Variants in TTYH1 observed in about 807,000 individuals in gnomAD.
The protein encoded by TTYH1 is protein tweety homolog 1.
Under a neutral mutation model 61.2 loss-of-function variants are expected in TTYH1, and 33 were observed. The observed-to-expected ratio is 0.54, with a 90% CI of 0.41 to 0.72. TTYH1 has a LOEUF of 0.72. Among genes scored for constraint, TTYH1 ranks in the 30% least tolerant of loss-of-function variants. TTYH1 has a pLI of 0.00. For synonymous variants in TTYH1, 308 were observed against 266.4 expected, an observed-to-expected ratio of 1.16 and a Z score of -1.52; for missense variants, 538 against 575.8, an observed-to-expected ratio of 0.93 and a Z score of 0.67.
rs62621451 is a variant in TTYH1, at chr19:54,419,450, G to A, written c.305+144G>A. ...TCGTCCCTGTCCCTGCCATTTGCAA[G>A]CCCACTTCAGCGCACAGCAGGAAGG... On this transcript the variant is annotated intron_variant, in intron 2 of 13. Transcript: ENST00000376530. This position sits in a 1 kb window ranked among gnomAD's most constrained non-coding sequence, Gnocchi z 6.1. The A allele has an allele frequency of 0.015, 12,400 of 852,962 alleles. 144 individuals carry two copies. The highest frequency in any genetic ancestry group is 0.02 in the Non-Finnish European group (10,591 of 523,028). 52.8% of individuals were successfully genotyped at this position (852,962 alleles called of 1,614,324 possible). A position where few individuals can be genotyped will look rare whatever the true frequency, so the allele number is the denominator to read the frequency against.
chr19:54,427,931 G>C (rs1308469982), intron 5 of TTYH1, among the ~76,000 whole-genome samples: 1 of 151,974 alleles, frequency 6.6e-6, no homozygotes, highest in East Asian at 1.9e-4. Flanking sequence ...TTTTTATTTT[G>C]AGAAGGTCTT....
Position 54,429,790 on chromosome 19 carries a change from G to C in TTYH1, c.808-92G>C. On this transcript the variant is annotated intron_variant, in intron 6 of 13. Transcript: ENST00000376530. The surrounding 1 kb of genome is among the most constrained non-coding windows in gnomAD (Gnocchi z 5.1). ...GCTGGGACCTGGACCCCTGGGTGGG[G>C]AGGGGAGCTGGGGAGCCAGGCACTG... 9.0e-7 allele frequency: 1 copy of C among 1,117,000 alleles called. No homozygotes were observed. Among genetic ancestry groups the C allele is most frequent in the Non-Finnish European group, 1.3e-6 (1 of 746,076 alleles). The allele number at this position is 1,117,000 out of a possible 1,614,324, so 69.2% of individuals were successfully genotyped here. A position where few individuals can be genotyped will look rare whatever the true frequency, so the allele number is the denominator to read the frequency against.
At chr19:54,424,955 C>G (rs1392391190) in intron 4 of TTYH1, among the ~76,000 whole-genome samples, 1 of 152,178 alleles carries the variant, frequency 6.6e-6, no homozygotes, top group African/African-American at 2.4e-5. Context: ...GGGCAGCAAG[C>G]CTCGTGTTCT....
chr19:54,421,106 C>T lies in TTYH1; in HGVS notation c.306-171C>T, dbSNP rs1353015470. On this transcript the variant is annotated intron_variant, in intron 2 of 13. Transcript: ENST00000376530. This position sits in a 1 kb window ranked among gnomAD's most constrained non-coding sequence, Gnocchi z 4.8. Reference sequence around the variant, plus strand: ...GAGGCCTTCCCGTTCCCTTGGCAACCGACGGGGGCCAGGCTGAAGTCGCCC... The same window carrying T: ...GAGGCCTTCCCGTTCCCTTGGCAACTGACGGGGGCCAGGCTGAAGTCGCCC... 6.6e-6 allele frequency among the ~76,000 whole-genome samples: 1 copy of T among 152,034 alleles called. No homozygotes were observed. The highest frequency in any genetic ancestry group is 1.5e-5 in the Non-Finnish European group (1 of 67,980).
Position 54,421,266 on chromosome 19 carries a change from C to A in TTYH1, c.306-11C>A. The A allele has an allele frequency of 6.3e-7, 1 of 1,593,102 alleles. No individual in the cohort carries two copies. The highest frequency in any genetic ancestry group is 8.6e-7 in the Non-Finnish European group (1 of 1,161,100). ...ACCCGCTGAGATTCCTCTCCCTCCT[C>A]CTCCGCTCAGCACTGGCATTGGCAT... On this transcript the variant is annotated splice_polypyrimidine_tract_variant and intron_variant, in intron 2 of 13. Coordinates refer to ENST00000376530, the MANE Select transcript of TTYH1 (RefSeq NM_020659.4). This position sits in a 1 kb window ranked among gnomAD's most constrained non-coding sequence, Gnocchi z 4.8.
In TTYH1 at chr19:54,422,419, C is replaced by A. The variant is rs1254081608; in HGVS notation, c.638+9C>A. 2 of 1,517,626 alleles carry A rather than the reference C, an allele frequency of 1.3e-6. No individual in the cohort carries two copies. The highest frequency in any genetic ancestry group is 4.3e-5 in the Admixed American group (2 of 46,898). The allele number at this position is 1,517,626 out of a possible 1,614,324, so 94.0% of individuals were successfully genotyped here. A position where few individuals can be genotyped will look rare whatever the true frequency, so the allele number is the denominator to read the frequency against. Reference sequence around the variant, plus strand: ...TTTGTGGAGGAGTACAGGTGAGACGCTGCTCTTCTTGCTCTCTGTGCCGGC... The same window carrying A: ...TTTGTGGAGGAGTACAGGTGAGACGATGCTCTTCTTGCTCTCTGTGCCGGC... On this transcript the variant is annotated intron_variant, in intron 4 of 13. Transcript: ENST00000376530.
In TTYH1 at chr19:54,431,300, C is replaced by T. The variant is rs546164766; in HGVS notation, c.1125+109C>T. 22 of 708,160 alleles carry T rather than the reference C, an allele frequency of 3.1e-5. No individual in the cohort carries two copies. In the South Asian group the frequency reaches 3.3e-4, roughly 11 times the overall value. 43.9% of individuals were successfully genotyped at this position (708,160 alleles called of 1,614,324 possible). ...CCCCTGCCATTGCGCCTGAGGATAT[C>T]TCTGTATCCTCTGTTTATATGATTT... On this transcript the variant is annotated intron_variant, in intron 10 of 13. Transcript: ENST00000376530.
Position 54,422,254 on chromosome 19 carries a change from T to G in TTYH1, c.482T>G (p.Val161Gly). ...VRTELTTLEE[V>G]LEPRTELVAA... ...ACAGAGCTGACCACCCTGGAGGAGG[T>G]GCTCGAGCCGCGCACGGAGCTGGTG... The change falls in exon 4 of 14, where the codon GTG (valine) becomes GGG (glycine). Residue 161 changes from valine to glycine, a missense_variant. Val to Gly is a moderately radical substitution (Grantham distance 109). This residue lies in a region of TTYH1 where 378 missense variants were observed against 401.2 expected (regional missense o/e 0.94). Coordinates refer to ENST00000376530, the MANE Select transcript of TTYH1 (RefSeq NM_020659.4). 1.3e-6 allele frequency: 2 copies of G among 1,565,270 alleles called. No homozygotes were observed. The highest frequency in any genetic ancestry group is 1.3e-5 in the African/African-American group (1 of 74,352).
intron 10 of TTYH1, chr19:54,433,762 G>A (rs935731236): frequency 9.3e-5 from 14 of 151,064 alleles, no homozygotes; most frequent in Non-Finnish European, 1.5e-4. Context: ...GATGAAGGAG[G>A]GAGGGCACTG....
chr19:54,416,875 G>A lies in TTYH1; in HGVS notation c.126+1197G>A. The A allele has an allele frequency of 7.7e-7, 1 of 1,291,164 alleles. No homozygotes were observed. The highest frequency in any genetic ancestry group is 1.0e-6 in the Non-Finnish European group (1 of 987,834). 80.0% of individuals were successfully genotyped at this position (1,291,164 alleles called of 1,614,324 possible). ...AGACTCACGCCCGCTCTGGCCCGGA[G>A]ACCTCCCGAAGCCGCACGCGGGGAT... On this transcript the variant is annotated intron_variant, in intron 1 of 13. Coordinates refer to ENST00000376530, the MANE Select transcript of TTYH1 (RefSeq NM_020659.4). The surrounding 1 kb of genome is among the most constrained non-coding windows in gnomAD (Gnocchi z 7.0).
intron 4 of TTYH1, 67 bp from the exon 5 acceptor site, chr19:54,426,606 G>A: frequency 8.0e-7 from 1 of 1,246,378 alleles, no homozygotes; most frequent in Non-Finnish European, 1.2e-6. Context: ...GCTGGTGGAG[G>A]GTTGCTGTTC....
Position 54,419,547 on chromosome 19 carries a change from GA to G in TTYH1, c.305+243del. The stretch of plus-strand genomic sequence containing the variant: ...TGAATCAAGGGCAGCCATCTGGTGA[GA>G]AGGCGCAGGGGCAGTCAGATGGCCT... On this transcript the variant is annotated intron_variant, in intron 2 of 13. Coordinates refer to ENST00000376530, the MANE Select transcript of TTYH1 (RefSeq NM_020659.4). This position sits in a 1 kb window ranked among gnomAD's most constrained non-coding sequence, Gnocchi z 6.1. The G allele has an allele frequency of 1.4e-6, 1 of 697,520 alleles. No individual in the cohort carries two copies. The highest frequency in any genetic ancestry group is 2.6e-6 in the Non-Finnish European group (1 of 383,326). The allele number at this position is 697,520 out of a possible 1,614,324, so 43.2% of individuals were successfully genotyped here.
At position 54,436,372 on chromosome 19, in the gene TTYH1, C is replaced by G. The variant is rs914757448; in HGVS notation, c.*82C>G. 4 of 1,613,950 alleles carry G rather than the reference C, an allele frequency of 2.5e-6. No individual in the cohort carries two copies. The highest frequency in any genetic ancestry group is 3.4e-6 in the Non-Finnish European group (4 of 1,179,994). On this transcript the variant is annotated 3_prime_UTR_variant, in exon 14 of 14. Coordinates refer to ENST00000376530, the MANE Select transcript of TTYH1 (RefSeq NM_020659.4). The surrounding 1 kb of genome is among the most constrained non-coding windows in gnomAD (Gnocchi z 4.3). ...GCCGGAGGAGACCCCACTAACCCAG[C>G]CTGCCTGGGCTCTGACCACTAACAC...
At position 54,434,695 on chromosome 19, in the gene TTYH1, C is replaced by G. The variant is rs553058207; in HGVS notation, c.1126-847C>G. The G allele has an allele frequency of 3.9e-5, 6 of 152,248 alleles. No homozygotes were observed. Among genetic ancestry groups the G allele is most frequent in the Non-Finnish European group, 7.3e-5 (5 of 68,084 alleles). The allele number at this position is 152,248 out of a possible 1,614,324, so 9.4% of individuals were successfully genotyped here. A position where few individuals can be genotyped will look rare whatever the true frequency, so the allele number is the denominator to read the frequency against. ...GGCCGTTTCTGCTGATTTCTTGGGA[C>G]GACAGTCATCAGAGCCAGCATTTGT... On this transcript the variant is annotated intron_variant, in intron 10 of 13. Transcript: ENST00000376530. This position sits in a 1 kb window ranked among gnomAD's most constrained non-coding sequence, Gnocchi z 4.3.
chr19:54,419,245 A>G lies in TTYH1; in HGVS notation c.244A>G (p.Ile82Val). Reference protein sequence around the residue: ...CRPPEPPGSKIPSPGGGCVTW... With the variant: ...CRPPEPPGSKVPSPGGGCVTW... ...GCCCCCCGAGCCCCCCGGGTCCAAG[A>G]TCCCCTCGCCCGGGGGAGGCTGCGT... The change falls in exon 2 of 14, where the codon ATC becomes GTC. Residue 82 changes from isoleucine to valine, a missense_variant. Ile to Val is a conservative substitution (Grantham distance 29). Around this residue, in one of 3 missense-constraint regions of TTYH1, gnomAD observed 157 missense variants for 157.0 expected, o/e 1.00. Coordinates refer to ENST00000376530, the MANE Select transcript of TTYH1 (RefSeq NM_020659.4). The surrounding 1 kb of genome is among the most constrained non-coding windows in gnomAD (Gnocchi z 6.1). 6.2e-7 allele frequency: 1 copy of G among 1,608,220 alleles called. No homozygotes were observed. Among genetic ancestry groups the G allele is most frequent in the Non-Finnish European group, 8.5e-7 (1 of 1,179,808 alleles).
chr19:54,426,580 G>C (rs2083323292), intron 4 of TTYH1, 93 bp from the exon 5 acceptor site: 5 of 960,992 alleles, frequency 5.2e-6, no homozygotes, highest in Non-Finnish European at 8.3e-6. Flanking sequence ...AGGCTGAGCT[G>C]GGGGGCAGGG....
chr19:54,431,042 A>G (rs2083430712), intron 9 of TTYH1, 57 bp from the exon 10 acceptor site: 12 of 1,516,910 alleles, frequency 7.9e-6, no homozygotes, highest in Middle Eastern at 2.0e-4. Flanking sequence ...GGGCGGGGCC[A>G]GGGCGATGGG....
chr19:54,421,437 TC>T lies in TTYH1; in HGVS notation c.417+53del. 1 of 1,269,730 alleles carries T rather than the reference TC, an allele frequency of 7.9e-7. No individual in the cohort carries two copies. The allele number at this position is 1,269,730 out of a possible 1,614,324, so 78.7% of individuals were successfully genotyped here. A position where few individuals can be genotyped will look rare whatever the true frequency, so the allele number is the denominator to read the frequency against. ...ACCCCAGACCCACACCTGGACGGGC[TC>T]CCCACACCCAAGGACAAAGGGATCC... On this transcript the variant is annotated intron_variant, in intron 3 of 13. Coordinates refer to ENST00000376530, the MANE Select transcript of TTYH1 (RefSeq NM_020659.4). The surrounding 1 kb of genome is among the most constrained non-coding windows in gnomAD (Gnocchi z 4.8).
At position 54,429,474 on chromosome 19, in the gene TTYH1, G is replaced by C. The variant is rs915068767; in HGVS notation, c.807+95G>C. On this transcript the variant is annotated intron_variant, in intron 6 of 13. Coordinates refer to ENST00000376530, the MANE Select transcript of TTYH1 (RefSeq NM_020659.4). The surrounding 1 kb of genome is among the most constrained non-coding windows in gnomAD (Gnocchi z 5.1). The stretch of plus-strand genomic sequence containing the variant: ...GGGATGGCATGGCTTAGTAGAGAAA[G>C]GAATTGGGGGGCACGATCACAGCTC... 5.0e-5 allele frequency: 57 copies of C among 1,140,066 alleles called. No homozygotes were observed. Among genetic ancestry groups the C allele is most frequent in the Non-Finnish European group, 6.5e-5 (50 of 766,620 alleles). The allele number at this position is 1,140,066 out of a possible 1,614,324, so 70.6% of individuals were successfully genotyped here.
Sources: gnomAD v4.1 joint callset for allele counts (sites outside exome capture counted in the v4.1 genomes callset) on GRCh38, gnomAD v4.1.1 for gene constraint, gnomAD v4.1.1 regional missense constraint, Gnocchi (gnomAD v3.1) non-coding constraint, MANE v1.5 for transcripts, NCBI Gene and HGNC (gene_info 2026-07-23, HGNC 2026-07-21) for gene names.